Variants in ADAMTS2 observed in about 807,000 individuals in gnomAD.
ADAMTS2 encodes A disintegrin and metalloproteinase with thrombospondin motifs 2.
In ADAMTS2, 50 loss-of-function variants were observed where a neutral mutation model predicts 123.0. The observed-to-expected ratio is 0.41, with a 90% CI of 0.32 to 0.51. The LOEUF (loss-of-function observed/expected upper bound fraction) is 0.51, where lower values mean the gene tolerates loss of function less well. Among genes scored for constraint, ADAMTS2 ranks in the 20% least tolerant of loss-of-function variants. The pLI is 0.35. For missense variants in ADAMTS2, 1,494 were observed against 1,705.2 expected (o/e 0.88, Z 2.18); for synonymous variants, 678 against 695.4 (o/e 0.98, Z 0.39).
rs992761114 is a variant in ADAMTS2 at position 179,308,818 on chromosome 5, C to T, written c.534+34949G>A. On this transcript the variant is annotated intron_variant, in intron 2 of 21. Coordinates refer to ENST00000251582, the MANE Select transcript of ADAMTS2 (RefSeq NM_014244.5). This position sits in a 1 kb window ranked among gnomAD's most constrained non-coding sequence, Gnocchi z 6.6. The stretch of plus-strand genomic sequence containing the variant: ...CTCCTCTTCCTTCCCACCCCAGGGG[C>T]CCTGGGATGCAGCTAGGCCAGCTGG... 4.6e-5 allele frequency among the ~76,000 whole-genome samples: 7 copies of T among 152,168 alleles called. No individual in the cohort carries two copies. The highest frequency in any genetic ancestry group is 8.8e-5 in the Non-Finnish European group (6 of 68,030).
chr5:179,160,010 C>G (rs1763564416), intron 5 of ADAMTS2, among the ~76,000 whole-genome samples: 1 of 152,152 alleles, frequency 6.6e-6, no homozygotes, highest in Admixed American at 6.6e-5. Flanking sequence ...CCGAGAGCCC[C>G]TCTGAGTCCT....
At chr5:179,142,381 C>G (rs1342427725) in intron 10 of ADAMTS2, among the ~76,000 whole-genome samples, 1 of 152,084 alleles carries the variant, frequency 6.6e-6, no homozygotes, top group Non-Finnish European at 1.5e-5. Flanking sequence ...ACAGACAGAA[C>G]CAGGGACAAA....
intron 3 of ADAMTS2, among the ~76,000 whole-genome samples, chr5:179,233,643 T>C (rs562745203): frequency 6.6e-6 from 1 of 152,296 alleles, no homozygotes; most frequent in African/African-American, 2.4e-5. Context: ...GAGGAGATTG[T>C]ACCATTGCAC....
At chr5:179,287,920 G>A (rs1420201074) in intron 2 of ADAMTS2, among the ~76,000 whole-genome samples, 1 of 152,234 alleles carries the variant, frequency 6.6e-6, no homozygotes, top group Non-Finnish European at 1.5e-5. Flanking sequence ...CCCAACGCCA[G>A]TCCCCCCACT....
chr5:179,210,119 G>A (rs1180297184), intron 3 of ADAMTS2, among the ~76,000 whole-genome samples: 1 of 152,226 alleles, frequency 6.6e-6, no homozygotes, highest in Non-Finnish European at 1.5e-5. Context: ...CCCAGGGGTA[G>A]CCCGGGTCTG....
intron 3 of ADAMTS2, among the ~76,000 whole-genome samples, chr5:179,261,112 A>G (rs1249741560): frequency 6.6e-6 from 1 of 152,224 alleles, no homozygotes. Flanking sequence ...AAAAGCTTGT[A>G]TCGAACATGA....
intron 2 of ADAMTS2, among the ~76,000 whole-genome samples, chr5:179,286,070 G>A (rs1756010880): frequency 6.6e-6 from 1 of 152,014 alleles, no homozygotes; most frequent in Non-Finnish European, 1.5e-5. Flanking sequence ...ACAAATTAGC[G>A]GGACATGGTG....
chr5:179,124,153 C>T (rs1251755819), intron 19 of ADAMTS2, among the ~76,000 whole-genome samples: 2 of 152,164 alleles, frequency 1.3e-5, no homozygotes, highest in Admixed American at 1.3e-4. Context: ...CCTGCAACTG[C>T]AAGTCCCGCT....
At chr5:179,207,479 C>CCCCCCCCCCA in intron 4 of ADAMTS2, 34 bp downstream of exon 4, 1 of 873,216 alleles carries the variant, frequency 1.1e-6, no homozygotes, top group East Asian at 2.8e-5. Flanking sequence ...TGACCCTCCC[C>CCCCCCCCCCA]GCCCCACCCT....
rs1554128903 is a variant in ADAMTS2, at chr5:179,189,510, G to GCTTTTTTT, written c.892-8356_892-8355insAAAAAAAG. Among the ~76,000 whole-genome samples, 1,861 of 78,946 alleles carry GCTTTTTTT rather than the reference G, an allele frequency of 0.024. 410 individuals are homozygous for GCTTTTTTT. The highest frequency in any genetic ancestry group is 0.036 in the Middle Eastern group (4 of 112). 51.8% of individuals were successfully genotyped at this position (78,946 alleles called of 152,430 possible). On this transcript the variant is annotated intron_variant, in intron 4 of 21. Coordinates refer to ENST00000251582, the MANE Select transcript of ADAMTS2 (RefSeq NM_014244.5). This position sits in a 1 kb window ranked among gnomAD's most constrained non-coding sequence, Gnocchi z 4.2. The stretch of plus-strand genomic sequence containing the variant: ...CTACAGGCGCCCGCCAGTGCGCCTG[G>GCTTTTTTT]TTTTTTTTTTTTTTTTTTTTTTTTT...
At chr5:179,207,475 T>TACCCCCCCCCCCCCCCCCCCCCCC in intron 4 of ADAMTS2, 38 bp downstream of exon 4, 2 of 588,616 alleles carry the variant, frequency 3.4e-6, no homozygotes, top group African/African-American at 2.0e-5. Context: ...TGGTTGACCC[T>TACCCCCCCCCCCCCCCCCCCCCCC]CCCCGCCCCA....
intron 10 of ADAMTS2, among the ~76,000 whole-genome samples, chr5:179,144,557 GGACA>G (rs1354239619): frequency 2.0e-5 from 3 of 152,146 alleles, no homozygotes; most frequent in Non-Finnish European, 2.9e-5. Flanking sequence ...CCTGGCATAA[GGACA>G]GACAAATATA....
chr5:179,254,285 C>T lies in ADAMTS2; in HGVS notation c.688+18626G>A, dbSNP rs911744224. Reference sequence around the variant, plus strand: ...AATCCTTAGAAGGACTCCAGCCAGACCCCAAAGGCCACATATTATCAATTG... The same window carrying T: ...AATCCTTAGAAGGACTCCAGCCAGATCCCAAAGGCCACATATTATCAATTG... On this transcript the variant is annotated intron_variant, in intron 3 of 21. Transcript: ENST00000251582. 1.4e-4 allele frequency among the ~76,000 whole-genome samples: 21 copies of T among 152,184 alleles called. 1 individual carries two copies. The highest frequency in any genetic ancestry group is 1.3e-3 in the Admixed American group (20 of 15,286).
intron 18 of ADAMTS2, 90 bp from the exon 19 acceptor site, chr5:179,125,270 G>T: frequency 3.2e-6 from 4 of 1,237,658 alleles, no homozygotes; most frequent in Non-Finnish European, 4.7e-6. Context: ...TGCAGCCCAG[G>T]TAGACAGCGA....
Position 179,162,096 on chromosome 5 carries a change from C to G in ADAMTS2, c.976-3217G>C, listed in dbSNP as rs533507897. On this transcript the variant is annotated intron_variant, in intron 5 of 21. Coordinates refer to ENST00000251582, the MANE Select transcript of ADAMTS2 (RefSeq NM_014244.5). This position sits in a 1 kb window ranked among gnomAD's most constrained non-coding sequence, Gnocchi z 5.1. ...CTCCCAGCATCAGTGTCAAGGGAGT[C>G]CTGTCCAAGATGAACTCACCTGCCC... 5.9e-4 allele frequency among the ~76,000 whole-genome samples: 90 copies of G among 152,304 alleles called. No homozygotes were observed. Among genetic ancestry groups the G allele is most frequent in the Non-Finnish European group, 7.4e-4 (50 of 68,024 alleles).
At chr5:179,160,107 T>A (rs551573289) in intron 5 of ADAMTS2, among the ~76,000 whole-genome samples, 1 of 152,336 alleles carries the variant, frequency 6.6e-6, no homozygotes, top group Admixed American at 6.5e-5. Flanking sequence ...AGGTGTTTTT[T>A]CTCTTGCATA....
At position 179,211,521 on chromosome 5, in the gene ADAMTS2, T is replaced by C. The variant is rs140882661; in HGVS notation, c.689-3806A>G. ...CCCTGTGCTCAGGGCCCCTTTTGGA[T>C]GGCAGCTGGAGATCTCTTTGCTCAC... On this transcript the variant is annotated intron_variant, in intron 3 of 21. Transcript: ENST00000251582. Among the ~76,000 whole-genome samples, 47 of 152,316 alleles carry C rather than the reference T, an allele frequency of 3.1e-4. No individual in the cohort carries two copies. The East Asian group carries it at 7.7e-3, about 25-fold the overall frequency.
chr5:179,229,584 T>C (rs1219284489), intron 3 of ADAMTS2, among the ~76,000 whole-genome samples: 1 of 152,066 alleles, frequency 6.6e-6, no homozygotes, highest in Non-Finnish European at 1.5e-5. Flanking sequence ...AAACACTCTT[T>C]GTAGGGGTCC....
intron 2 of ADAMTS2, among the ~76,000 whole-genome samples, chr5:179,280,448 A>C (rs564929504): frequency 6.6e-6 from 1 of 152,250 alleles, no homozygotes; most frequent in East Asian, 1.9e-4. Flanking sequence ...CCTATGAATT[A>C]CTGCTTATCC....
Sources: allele counts gnomAD v4.1 joint callset (sites outside exome capture counted in the v4.1 genomes callset), GRCh38; gene constraint gnomAD v4.1.1; non-coding constraint Gnocchi (gnomAD v3.1); transcripts MANE v1.5; gene names NCBI Gene and HGNC (gene_info 2026-07-23, HGNC 2026-07-21).